Variants in TBXAS1 observed in about 807,000 individuals in gnomAD.
The protein encoded by TBXAS1 is thromboxane A synthase 1.
A neutral mutation model predicts 60.7 loss-of-function variants in TBXAS1; 48 were observed. The ratio of observed to expected loss-of-function variants is 0.79; its 90% confidence interval spans 0.63 to 1.01. TBXAS1 has a LOEUF of 1.01. TBXAS1 is among the 50% of genes least tolerant of loss of function. The probability of loss-of-function intolerance (pLI) is 0.00; values close to 1 mark genes in which losing one functional copy is unlikely to be tolerated. For synonymous variants in TBXAS1, 287 were observed against 269.7 expected (o/e 1.06, Z -0.63); for missense variants, 685 against 686.3 (o/e 1.00, Z 0.02).
chr7:139,909,590 G>C (rs1044470063), intron 3 of TBXAS1, among the ~76,000 whole-genome samples: 1 of 152,076 alleles, frequency 6.6e-6, no homozygotes, highest in Non-Finnish European at 1.5e-5. Context: ...CGATGACTCA[G>C]GTAAATGTTT....
intron 1 of TBXAS1, among the ~76,000 whole-genome samples, chr7:139,845,025 G>T (rs913461071): frequency 6.6e-6 from 1 of 152,086 alleles, no homozygotes; most frequent in African/African-American, 2.4e-5. Context: ...ATCTTTCTTG[G>T]CTCTCACCCT....
At chr7:139,875,667 G>A in intron 3 of TBXAS1, 30 bp downstream of exon 3, 2 of 1,613,280 alleles carry the variant, frequency 1.2e-6, no homozygotes, top group Non-Finnish European at 1.7e-6. Context: ...TTTCTATTAT[G>A]TACGATATTT....
intron 3 of TBXAS1, among the ~76,000 whole-genome samples, chr7:139,783,614 G>A (rs925456987): frequency 3.9e-5 from 6 of 152,210 alleles, no homozygotes; most frequent in Admixed American, 2.6e-4. Context: ...GAAGCTTGGG[G>A]TGGAGGCAGA....
chr7:140,019,350 C>T (rs1815355014), intron 12 of TBXAS1, among the ~76,000 whole-genome samples: 1 of 152,206 alleles, frequency 6.6e-6, no homozygotes, highest in Non-Finnish European at 1.5e-5. Context: ...GTGTGCGGGG[C>T]TTGTCTCACT....
intron 9 of TBXAS1, among the ~76,000 whole-genome samples, chr7:139,974,245 A>G (rs1351163997): frequency 2.6e-5 from 4 of 152,298 alleles, no homozygotes; most frequent in Non-Finnish European, 5.9e-5. Flanking sequence ...ATAGCTAGAT[A>G]TCCCGGCCCC....
At chr7:139,817,636 C>T (rs1373006030) in intron 4 of TBXAS1, among the ~76,000 whole-genome samples, 1 of 152,176 alleles carries the variant, frequency 6.6e-6, no homozygotes. Flanking sequence ...GGGTACACTC[C>T]AGTCTTTGAG....
At chr7:139,935,182 G>A (rs1287379875) in intron 4 of TBXAS1, among the ~76,000 whole-genome samples, 3 of 152,168 alleles carry the variant, frequency 2.0e-5, no homozygotes, top group South Asian at 2.1e-4. Flanking sequence ...GATAGGTTCC[G>A]GGACCCACCC....
At chr7:139,873,765 T>C (rs1011958878) in intron 2 of TBXAS1, among the ~76,000 whole-genome samples, 1 of 152,160 alleles carries the variant, frequency 6.6e-6, no homozygotes, top group African/African-American at 2.4e-5. Flanking sequence ...TTTTCTCACA[T>C]TGGGTTTTCT....
At chr7:139,841,012 A>C (rs1303292606) in intron 1 of TBXAS1, among the ~76,000 whole-genome samples, 1 of 152,004 alleles carries the variant, frequency 6.6e-6, no homozygotes, top group Non-Finnish European at 1.5e-5. Flanking sequence ...CCGCTCAGGA[A>C]AAGCAAGTCA....
chr7:139,911,189 T>A, intron 3 of TBXAS1, 36 bp from the exon 4 acceptor site: 1 of 1,577,078 alleles, frequency 6.3e-7, no homozygotes, highest in Non-Finnish European at 8.7e-7. Flanking sequence ...AAATGGGTAA[T>A]GCAACACATT....
At position 139,959,516 on chromosome 7, in the gene TBXAS1, C is replaced by T. The variant is rs142699272; in HGVS notation, c.819+1752C>T. Among the ~76,000 whole-genome samples the T allele has an allele frequency of 3.9e-3, 594 of 152,198 alleles. 3 individuals carry two copies. Among genetic ancestry groups the T allele is most frequent in the African/African-American group, 0.014 (571 of 41,518 alleles). ...CTGATGCCATGTGAATAAAAGAAAC[C>T]CATCTATACTAATGTTCTTCTCCAG... On this transcript the variant is annotated intron_variant, in intron 8 of 12. Coordinates refer to ENST00000448866, the MANE Select transcript of TBXAS1 (RefSeq NM_001061.7).
intron 5 of TBXAS1, 43 bp downstream of exon 5, chr7:139,936,350 G>T (rs551464960): frequency 5.0e-6 from 8 of 1,591,590 alleles, no homozygotes; most frequent in Non-Finnish European, 6.9e-6. Flanking sequence ...TACGGAGCAG[G>T]TTTCTTCTCT....
intron 3 of TBXAS1, among the ~76,000 whole-genome samples, chr7:139,891,082 C>T (rs1281591067): frequency 6.6e-6 from 1 of 152,004 alleles, no homozygotes; most frequent in Non-Finnish European, 1.5e-5. Flanking sequence ...GCCTGACATG[C>T]CACGGATGCC....
At chr7:139,864,824 A>G (rs1427817901) in intron 1 of TBXAS1, among the ~76,000 whole-genome samples, 1 of 152,176 alleles carries the variant, frequency 6.6e-6, no homozygotes. Flanking sequence ...GCTGTGGGAC[A>G]GGATTATTTT....
Position 140,020,119 on chromosome 7 carries a change from G to C in TBXAS1, c.*20G>C, listed in dbSNP as rs781010819. ...CGCTGACACAGAAGGCTGCCGGGTG[G>C]GGGGAGGGCACCCCCAAATTCAAAG... On this transcript the variant is annotated 3_prime_UTR_variant, in exon 13 of 13. Transcript: ENST00000448866. The C allele has an allele frequency of 3.7e-6, 6 of 1,611,430 alleles. No homozygotes were observed. Among genetic ancestry groups the C allele is most frequent in the Admixed American group, 3.3e-5 (2 of 59,964 alleles).
intron 1 of TBXAS1, among the ~76,000 whole-genome samples, chr7:139,831,550 C>T (rs1798702525): frequency 6.6e-6 from 1 of 152,212 alleles, no homozygotes; most frequent in African/African-American, 2.4e-5. Flanking sequence ...GTGGATTAAA[C>T]ATTGCAGCAC....
chr7:139,845,537 C>T (rs1036287881), intron 1 of TBXAS1, among the ~76,000 whole-genome samples: 1 of 152,166 alleles, frequency 6.6e-6, no homozygotes, highest in African/African-American at 2.4e-5. Flanking sequence ...CATCACTTAC[C>T]TGGCTCCCCA....
chr7:139,983,863 A>C (rs897675984), intron 9 of TBXAS1, among the ~76,000 whole-genome samples: 14 of 152,206 alleles, frequency 9.2e-5, no homozygotes, highest in Admixed American at 8.5e-4. Context: ...TATTTTTATT[A>C]GTTCAGTAGT....
At chr7:139,785,378 C>T (rs866647170) in intron 3 of TBXAS1, among the ~76,000 whole-genome samples, 3 of 152,152 alleles carry the variant, frequency 2.0e-5, no homozygotes, top group African/African-American at 7.2e-5. Context: ...TGGAACTCAT[C>T]TCCTCCCAAA....
Sources: allele counts gnomAD v4.1 joint callset (sites outside exome capture counted in the v4.1 genomes callset), GRCh38; gene constraint gnomAD v4.1.1; transcripts MANE v1.5; gene names NCBI Gene and HGNC (gene_info 2026-07-23, HGNC 2026-07-21).